Variants in RBM20 observed in about 807,000 individuals in gnomAD.
RBM20 encodes RNA-binding protein 20.
A neutral mutation model predicts 110.1 loss-of-function variants in RBM20; 51 were observed. The ratio of observed to expected loss-of-function variants is 0.46; its 90% CI spans 0.37 to 0.59. RBM20 has a LOEUF of 0.59. RBM20 is among the 20% of genes least tolerant of loss of function. RBM20 has a pLI of 0.00. For synonymous variants in RBM20, 589 were observed against 618.2 expected (o/e 0.95, Z 0.70); for missense variants, 1,512 against 1,574.9 (o/e 0.96, Z 0.68).
In RBM20 at chr10:110,698,908, G is replaced by A. The variant is rs148005192; in HGVS notation, c.191+54263G>A. On this transcript the variant is annotated intron_variant, in intron 1 of 13. Coordinates refer to ENST00000369519, the MANE Select transcript of RBM20 (RefSeq NM_001134363.3). Reference sequence around the variant, plus strand: ...CACAGAGGTGGGAGAGGCAAGAAGAGCCTTTAACTTAAGGGCACTTGGCAA... The same window carrying A: ...CACAGAGGTGGGAGAGGCAAGAAGAACCTTTAACTTAAGGGCACTTGGCAA... Among the ~76,000 whole-genome samples the A allele has an allele frequency of 5.2e-3, 795 of 152,324 alleles. 5 individuals are homozygous for A. Among genetic ancestry groups the A allele is most frequent in the African/African-American group, 0.018 (748 of 41,554 alleles).
chr10:110,685,200 G>A (rs1210646384), intron 1 of RBM20, among the ~76,000 whole-genome samples: 1 of 152,220 alleles, frequency 6.6e-6, no homozygotes, highest in Non-Finnish European at 1.5e-5. Flanking sequence ...TGGCGGGCCT[G>A]TCAAAAAGAA....
intron 1 of RBM20, among the ~76,000 whole-genome samples, chr10:110,681,895 G>T (rs541579206): frequency 8.4e-4 from 119 of 142,484 alleles, no homozygotes; most frequent in African/African-American, 2.4e-3. Context: ...TTTTTTTTTT[G>T]TTGTTGTTGT....
At chr10:110,830,323 T>G (rs1228321018) in intron 12 of RBM20, among the ~76,000 whole-genome samples, 3 of 152,186 alleles carry the variant, frequency 2.0e-5, no homozygotes, top group Non-Finnish European at 4.4e-5. Flanking sequence ...AGTTGTTTCC[T>G]TTGCTTGGAA....
At chr10:110,798,523 A>G (rs1456849011) in intron 6 of RBM20, among the ~76,000 whole-genome samples, 1 of 152,210 alleles carries the variant, frequency 6.6e-6, no homozygotes. Context: ...CTAGATTAGT[A>G]TTATTCCCAT....
rs180979905 is a variant in RBM20 at position 110,823,383 on chromosome 10, A to G, written c.3317-97A>G. On this transcript the variant is annotated intron_variant, in intron 11 of 13. Transcript: ENST00000369519. The stretch of plus-strand genomic sequence containing the variant: ...AGTCCAAGGAACAATTCCCAATCAT[A>G]CTATGCAGGCATAGAATTTCAGGGA... The G allele has an allele frequency of 2.6e-5, 37 of 1,402,804 alleles. No individual in the cohort carries two copies. The Admixed American group carries it at 8.1e-4, about 31-fold the overall frequency. 86.9% of individuals were successfully genotyped at this position (1,402,804 alleles called of 1,614,324 possible). A position where few individuals can be genotyped will look rare whatever the true frequency, so the allele number is the denominator to read the frequency against.
At chr10:110,752,941 ATATAT>A (rs1399046408) in intron 1 of RBM20, among the ~76,000 whole-genome samples, 1,216 of 92,284 alleles carry the variant, frequency 0.013, 16 homozygotes, top group African/African-American at 0.048. Context: ...ATATATATAT[ATATAT>A]TTTTTTTTTT....
intron 1 of RBM20, among the ~76,000 whole-genome samples, chr10:110,736,671 G>C (rs1477871004): frequency 6.6e-6 from 1 of 152,070 alleles, no homozygotes; most frequent in Non-Finnish European, 1.5e-5. Context: ...CAAACACCCT[G>C]TGGGCCTATT....
intron 1 of RBM20, among the ~76,000 whole-genome samples, chr10:110,728,457 A>G (rs985883363): frequency 6.6e-6 from 1 of 152,280 alleles, no homozygotes; most frequent in Admixed American, 6.5e-5. Context: ...ATTCTTTACT[A>G]GACAGGTAGA....
At chr10:110,741,309 C>T (rs1331394692) in intron 1 of RBM20, among the ~76,000 whole-genome samples, 2 of 152,194 alleles carry the variant, frequency 1.3e-5, no homozygotes, top group African/African-American at 4.8e-5. Flanking sequence ...ACGTAGAAAG[C>T]ACAGATAATA....
chr10:110,767,457 T>C (rs1321751761), intron 1 of RBM20, among the ~76,000 whole-genome samples: 3 of 135,394 alleles, frequency 2.2e-5, no homozygotes, highest in Admixed American at 1.4e-4. Context: ...CCAGACGGGG[T>C]GGCTGCCGGG....
At chr10:110,690,187 CTT>C (rs1437107805) in intron 1 of RBM20, among the ~76,000 whole-genome samples, 1 of 152,170 alleles carries the variant, frequency 6.6e-6, no homozygotes, top group Non-Finnish European at 1.5e-5. Flanking sequence ...TGGAGGATTG[CTT>C]GACGCTGGGA....
intron 1 of RBM20, among the ~76,000 whole-genome samples, chr10:110,657,673 G>T (rs935566234): frequency 2.0e-5 from 3 of 152,110 alleles, no homozygotes; most frequent in Non-Finnish European, 4.4e-5. Flanking sequence ...CTTTTACTTT[G>T]CTAAGTAGTA....
rs148598038 is a variant in RBM20 at position 110,776,736 on chromosome 10, A to G, written c.192-4065A>G. Among the ~76,000 whole-genome samples, 423 of 152,324 alleles carry G rather than the reference A, an allele frequency of 2.8e-3. 2 individuals are homozygous for G. Among genetic ancestry groups the G allele is most frequent in the African/African-American group, 9.4e-3 (392 of 41,570 alleles). ...TCATGTCTGCAAAGTCCCCTTTACC[A>G]TGTAAGATAACATATTCACAGCCTC... On this transcript the variant is annotated intron_variant, in intron 1 of 13. Transcript: ENST00000369519.
At chr10:110,759,260 C>G (rs1196948313) in intron 1 of RBM20, among the ~76,000 whole-genome samples, 6 of 152,154 alleles carry the variant, frequency 3.9e-5, no homozygotes, top group East Asian at 1.9e-4. Flanking sequence ...CAAGGTGTCT[C>G]TTTGTATTCC....
rs185360162 is a variant in RBM20 at position 110,644,747 on chromosome 10, C to G, written c.191+102C>G. The stretch of plus-strand genomic sequence containing the variant: ...TCCCGTCCCTGCTGAACTTCGCTCG[C>G]CCCCCTTGGGTTTGAAGTTTTCTCG... On this transcript the variant is annotated intron_variant, in intron 1 of 13. Transcript: ENST00000369519. This position sits in a 1 kb window ranked among gnomAD's most constrained non-coding sequence, Gnocchi z 4.3. The G allele has an allele frequency of 2.8e-4, 259 of 922,518 alleles. 1 individual carries two copies. In the African/African-American group the frequency reaches 3.8e-3, roughly 13 times the overall value. The allele number at this position is 922,518 out of a possible 1,614,324, so 57.1% of individuals were successfully genotyped here.
chr10:110,664,658 A>G (rs140735372), intron 1 of RBM20, among the ~76,000 whole-genome samples: 64 of 152,228 alleles, frequency 4.2e-4, no homozygotes, highest in Admixed American at 1.8e-3. Context: ...GAGGCATGAG[A>G]ATCGCTTGAA....
chr10:110,683,356 G>A (rs1862450358), intron 1 of RBM20, among the ~76,000 whole-genome samples: 1 of 152,222 alleles, frequency 6.6e-6, no homozygotes. Flanking sequence ...TGCTGGTTGA[G>A]TTGCAGTAAG....
intron 1 of RBM20, among the ~76,000 whole-genome samples, chr10:110,668,990 A>G (rs1314414551): frequency 1.3e-5 from 2 of 151,984 alleles, no homozygotes; most frequent in African/African-American, 4.8e-5. Context: ...TATGGAAAAC[A>G]TATTTACAGT....
At chr10:110,725,713 G>A (rs1339153970) in intron 1 of RBM20, among the ~76,000 whole-genome samples, 1 of 152,260 alleles carries the variant, frequency 6.6e-6, no homozygotes, top group Admixed American at 6.5e-5. Flanking sequence ...GCTTGGTTGT[G>A]TATTTCAGGG....
Sources: allele counts gnomAD v4.1 joint callset (sites outside exome capture counted in the v4.1 genomes callset), GRCh38; gene constraint gnomAD v4.1.1; non-coding constraint Gnocchi (gnomAD v3.1); transcripts MANE v1.5; gene names NCBI Gene and HGNC (gene_info 2026-07-23, HGNC 2026-07-21).